The following ATG14 variants were observed in gnomAD, a reference collection of about 807,000 sequenced individuals.
ATG14 encodes the protein beclin 1-associated autophagy-related key regulator.
Under a neutral mutation model 60.4 loss-of-function variants are expected in ATG14, and 35 were observed. The ratio of observed to expected loss-of-function variants is 0.58; its 90% CI spans 0.44 to 0.77. The LOEUF is 0.77. Ranked by LOEUF, ATG14 falls within the 30% of genes least tolerant of loss-of-function variation. The probability of loss-of-function intolerance (pLI) is 0.00; values close to 1 mark genes in which losing one functional copy is unlikely to be tolerated. For synonymous variants in ATG14, 234 were observed against 228.8 expected, an observed-to-expected ratio of 1.02 and a Z score of -0.21; for missense variants, 647 against 626.3, an observed-to-expected ratio of 1.03 and a Z score of -0.35.
At chr14:55,397,233 C>A in intron 2 of ATG14, 139 bp downstream of exon 2, 1 of 783,296 alleles carries the variant, frequency 1.3e-6, no homozygotes. Context: ...CCCACATGCA[C>A]TCCTTTCCTA....
intron 7 of ATG14, among the ~76,000 whole-genome samples, chr14:55,379,924 G>GT (rs1483551705): frequency 2.0e-5 from 3 of 152,086 alleles, no homozygotes; most frequent in Non-Finnish European, 4.4e-5. Context: ...AACCATGTGA[G>GT]TTTTTTATTA....
At chr14:55,388,393 T>C (rs1407910951) in intron 4 of ATG14, among the ~76,000 whole-genome samples, 2 of 152,186 alleles carry the variant, frequency 1.3e-5, no homozygotes, top group East Asian at 1.9e-4. Flanking sequence ...CTGCACCCAG[T>C]GCAGACTCAG....
intron 5 of ATG14, among the ~76,000 whole-genome samples, chr14:55,383,570 A>AAACAAC (rs796925211): frequency 6.6e-6 from 1 of 151,612 alleles, no homozygotes; most frequent in Non-Finnish European, 1.5e-5. Flanking sequence ...CAAAAAAACA[A>AAACAAC]AACAACAACA....
intron 9 of ATG14, among the ~76,000 whole-genome samples, chr14:55,371,030 C>T (rs1425720637): frequency 6.6e-6 from 1 of 152,130 alleles, no homozygotes; most frequent in Admixed American, 6.6e-5. Context: ...TGTAGGCAGC[C>T]ACCCCCACCC....
intron 3 of ATG14, among the ~76,000 whole-genome samples, chr14:55,394,519 T>TTGTG (rs1183629311): frequency 6.6e-6 from 1 of 152,216 alleles, no homozygotes. Flanking sequence ...CACACATTGA[T>TTGTG]AAGCTGTTAC....
chr14:55,390,849 A>G, intron 4 of ATG14, 62 bp downstream of exon 4: 1 of 1,156,448 alleles, frequency 8.6e-7, no homozygotes, highest in South Asian at 1.4e-5. Flanking sequence ...CTAGTTTATT[A>G]ATCCCATGAA....
intron 3 of ATG14, among the ~76,000 whole-genome samples, chr14:55,393,801 G>A (rs962305887): frequency 6.6e-6 from 1 of 151,688 alleles, no homozygotes. Flanking sequence ...AATCCACCTC[G>A]GACTCCCAAA....
At position 55,369,925 on chromosome 14, in the gene ATG14, C is replaced by T. The variant is rs562870380; in HGVS notation, c.1173G>A (p.Arg391=). 3 of 1,597,838 alleles carry T rather than the reference C, an allele frequency of 1.9e-6. No individual in the cohort carries two copies. Among genetic ancestry groups the T allele is most frequent in the Non-Finnish European group, 2.6e-6 (3 of 1,170,602 alleles). Residue 391 remains arginine, a splice_region_variant and synonymous_variant, in exon 10 of 10, where the codon AGG becomes AGA. Transcript: ENST00000247178. The part of the protein sequence containing the change: ...LVSPSSEHLG[R]SGPFEVRADL... ...CTGCTCGTACTTCAAAGGGCCCTGA[C>T]CTGTGTGCAGACAATGAGGGTCTCT... is the stretch of plus-strand genomic sequence containing the variant.
At chr14:55,376,211 TATAAAGTAGGAATAATA>T (rs1292699912) in intron 9 of ATG14, among the ~76,000 whole-genome samples, 7 of 152,340 alleles carry the variant, frequency 4.6e-5, no homozygotes, top group Admixed American at 1.3e-4. Flanking sequence ...TTCTCCTGTC[TATAAAGTAGGAATAATA>T]TCCAAGGCAA....
chr14:55,372,381 T>G (rs1011137509), intron 9 of ATG14, among the ~76,000 whole-genome samples: 2 of 152,130 alleles, frequency 1.3e-5, no homozygotes, highest in Non-Finnish European at 1.5e-5. Flanking sequence ...ATTCCTTCCC[T>G]GGGCTCCCTC....
chr14:55,373,901 C>G (rs1884870107), intron 9 of ATG14, among the ~76,000 whole-genome samples: 1 of 152,046 alleles, frequency 6.6e-6, no homozygotes, highest in Non-Finnish European at 1.5e-5. Context: ...CATGAACAAT[C>G]TTCTCTACAC....
Position 55,411,794 on chromosome 14 carries a change from C to T in ATG14, c.29G>A (p.Arg10Gln), listed in dbSNP as rs777461378. Residue 10 changes from arginine (R) to glutamine (Q), a missense_variant, in exon 1 of 10, where the codon CGG becomes CAG. By Grantham distance (43) the Arg-to-Gln change is conservative. Transcript: ENST00000247178. ...CCCGCAGCCAGGAGCCTCCAGCGCC[C>T]GGGCTCCCTTCCCACTGGGAGACGC... MASPSGKGA[R>Q]ALEAPGCGPR... 3 of 1,600,114 alleles carry T rather than the reference C, an allele frequency of 1.9e-6. No individual in the cohort carries two copies. The highest frequency in any genetic ancestry group is 1.8e-4 in the Middle Eastern group (1 of 5,524).
rs747063208 is a variant in ATG14 at position 55,369,977 on chromosome 14, A to G, written c.1173-52T>C. On this transcript the variant is annotated intron_variant, in intron 9 of 9. Transcript: ENST00000247178. ...TAGGATAACAACCATTCTCAACACC[A>G]GAAAATATGCCATCTTCCTGAAGGC... 3 of 1,510,594 alleles carry G rather than the reference A, an allele frequency of 2.0e-6. No individual in the cohort carries two copies. The South Asian group carries it at 4.0e-5, about 20-fold the overall frequency. 93.6% of individuals were successfully genotyped at this position (1,510,594 alleles called of 1,614,324 possible).
intron 4 of ATG14, among the ~76,000 whole-genome samples, chr14:55,387,913 C>T (rs1269202005): frequency 6.6e-6 from 1 of 152,184 alleles, no homozygotes; most frequent in Non-Finnish European, 1.5e-5. Flanking sequence ...CCGCCCGCCT[C>T]GGCCTCCCAA....
rs762009593 is a variant in ATG14 at position 55,382,009 on chromosome 14, G to T, written c.830C>A (p.Ser277Tyr). ...WISLPNNGDY[S>Y]AYYSWVEEKK... ...CTCCTCCACCCAGCTGTAGTAGGCA[G>T]AGTAGTCCCCATTGTTAGGGAGGCT... The change falls in exon 6 of 10, where the codon TCT becomes TAT. Residue 277 changes from serine to tyrosine, a missense_variant. By Grantham distance (144) the Ser-to-Tyr change is moderately radical (BLOSUM62 -2). Transcript: ENST00000247178. 1.9e-6 allele frequency: 3 copies of T among 1,614,180 alleles called. No homozygotes were observed. The highest frequency in any genetic ancestry group is 8.5e-7 in the Non-Finnish European group (1 of 1,180,020).
At chr14:55,408,055 C>T (rs1307400622) in intron 1 of ATG14, among the ~76,000 whole-genome samples, 2 of 152,188 alleles carry the variant, frequency 1.3e-5, no homozygotes, top group Non-Finnish European at 2.9e-5. Context: ...ACATTCTAGG[C>T]ATCATGCTAA....
chr14:55,370,532 C>T (rs1444609288), intron 9 of ATG14, among the ~76,000 whole-genome samples: 1 of 152,106 alleles, frequency 6.6e-6, no homozygotes, highest in Non-Finnish European at 1.5e-5. Flanking sequence ...TCAAAGGTCC[C>T]TAATAACACC....
intron 3 of ATG14, among the ~76,000 whole-genome samples, chr14:55,393,986 A>G (rs1370930820): frequency 1.3e-5 from 2 of 151,754 alleles, no homozygotes; most frequent in Admixed American, 6.6e-5. Flanking sequence ...ATTCTTTTTA[A>G]CAACTACACA....
chr14:55,394,102 G>A (rs1885271749), intron 3 of ATG14, among the ~76,000 whole-genome samples: 1 of 151,512 alleles, frequency 6.6e-6, no homozygotes, highest in Non-Finnish European at 1.5e-5. Context: ...TGTCTCCTGG[G>A]TTCAAGTGAT....
Sources: gnomAD v4.1 joint callset for allele counts (sites outside exome capture counted in the v4.1 genomes callset) on GRCh38, gnomAD v4.1.1 for gene constraint, MANE v1.5 for transcripts, NCBI Gene and HGNC (gene_info 2026-07-23, HGNC 2026-07-21) for gene names.